The following PLXNA2 variants were observed in gnomAD, a reference collection of about 807,000 sequenced individuals.
PLXNA2 encodes the protein plexin-A2.
In PLXNA2, 91 loss-of-function variants were observed where a neutral mutation model predicts 193.5. The ratio of observed to expected loss-of-function variants is 0.47; its 90% CI spans 0.40 to 0.56. The LOEUF is 0.56. PLXNA2 is among the 20% of genes least tolerant of loss of function. The probability of loss-of-function intolerance (pLI) is 0.00; values close to 1 mark genes in which losing one functional copy is unlikely to be tolerated. For missense variants in PLXNA2, 1,995 were observed against 2,503.2 expected, an observed-to-expected ratio of 0.80 and a Z score of 4.33; for synonymous variants, 997 against 1,027.3, an observed-to-expected ratio of 0.97 and a Z score of 0.56.
At position 208,092,897 on chromosome 1, in the gene PLXNA2, G is replaced by C. The variant is rs941758698; in HGVS notation, c.1986C>G (p.Cys662Trp). 1.2e-6 allele frequency: 2 copies of C among 1,610,820 alleles called. No individual in the cohort carries two copies. Among genetic ancestry groups the C allele is most frequent in the Non-Finnish European group, 1.7e-6 (2 of 1,177,130 alleles). Residue 662 changes from cysteine to tryptophan, a missense_variant, in exon 9 of 32, where the codon TGC becomes TGG. By Grantham distance (215) the Cys-to-Trp change is radical. Coordinates refer to ENST00000367033, the MANE Select transcript of PLXNA2 (RefSeq NM_025179.4). The part of the protein sequence containing the change: ...KFYNCSAHQL[C>W]LSCVNSAFRC... Reference sequence around the variant, plus strand: ...GGAAGGCGCTGTTGACACAGGACAGGCACCTGCAAGGACAGAGATGGTGAG... The same window carrying C: ...GGAAGGCGCTGTTGACACAGGACAGCCACCTGCAAGGACAGAGATGGTGAG...
Position 208,186,708 on chromosome 1 carries a change from A to ATTTT in PLXNA2, c.1371+23568_1371+23571dup, listed in dbSNP as rs368056918. 5.4e-5 allele frequency among the ~76,000 whole-genome samples: 6 copies of ATTTT among 111,694 alleles called. 1 individual carries two copies. Among genetic ancestry groups the ATTTT allele is most frequent in the African/African-American group, 1.8e-4 (6 of 33,192 alleles). 73.3% of individuals were successfully genotyped at this position (111,694 alleles called of 152,430 possible). On this transcript the variant is annotated intron_variant, in intron 3 of 31. Transcript: ENST00000367033. ...GGGCTGTCCTGGGAATTGCAATGTT[A>ATTTT]TTTTATTTTTTTTTTTTTTTTTGAG...
At chr1:208,132,462 G>T (rs1668188132) in intron 4 of PLXNA2, among the ~76,000 whole-genome samples, 1 of 152,084 alleles carries the variant, frequency 6.6e-6, no homozygotes, top group African/African-American at 2.4e-5. Flanking sequence ...GGTGGCCCTG[G>T]GCAAATTACT....
chr1:208,157,687 T>C (rs2102508632), intron 3 of PLXNA2, among the ~76,000 whole-genome samples: 1 of 152,260 alleles, frequency 6.6e-6, no homozygotes, highest in East Asian at 1.9e-4. Context: ...AGAGTAGCTG[T>C]GTAAGGTTCC....
At chr1:208,149,222 A>G (rs1319276536) in intron 3 of PLXNA2, among the ~76,000 whole-genome samples, 3 of 150,282 alleles carry the variant, frequency 2.0e-5, no homozygotes. Context: ...GTGTATGTGT[A>G]TGATGTGTAT....
chr1:208,038,868 A>G lies in PLXNA2; in HGVS notation c.4617T>C (p.Asn1539=), dbSNP rs747602776. Residue 1539 remains asparagine (N), a synonymous_variant, in exon 25 of 32, where the codon AAT becomes AAC. Coordinates refer to ENST00000367033, the MANE Select transcript of PLXNA2 (RefSeq NM_025179.4). The surrounding 1 kb of genome is among the most constrained non-coding windows in gnomAD (Gnocchi z 4.1). ...KEKILDAVYK[N]VPYSQRPRAV... is the part of the protein sequence containing the mutation. ...CCCTCGGCCGCTGGGAATAGGGCAC[A>G]TTCTTATACACGGCATCAAGAATCT... 9.3e-6 allele frequency: 15 copies of G among 1,614,152 alleles called. No homozygotes were observed. The Admixed American group carries it at 2.2e-4, about 23-fold the overall frequency.
At chr1:208,145,877 T>C (rs907032252) in intron 3 of PLXNA2, among the ~76,000 whole-genome samples, 5 of 152,324 alleles carry the variant, frequency 3.3e-5, no homozygotes, top group African/African-American at 1.2e-4. Flanking sequence ...TTGTTGGTAC[T>C]GAACCCGAAC....
intron 22 of PLXNA2, 97 bp downstream of exon 22, chr1:208,042,001 G>T (rs1245328988): frequency 2.3e-6 from 3 of 1,297,012 alleles, no homozygotes; most frequent in Non-Finnish European, 3.2e-6. Flanking sequence ...TCTGGGGAGT[G>T]GGCCTTCTCA....
At chr1:208,040,196 C>A in intron 22 of PLXNA2, 138 bp from the exon 23 acceptor site, 1 of 666,612 alleles carries the variant, frequency 1.5e-6, no homozygotes, top group Non-Finnish European at 2.7e-6. Context: ...ACCTGGGTCC[C>A]AGCCCAGCTC....
In PLXNA2 at chr1:208,110,294, C is replaced by A. The variant is rs536422546; in HGVS notation, c.1507-7047G>T. On this transcript the variant is annotated intron_variant, in intron 4 of 31. Coordinates refer to ENST00000367033, the MANE Select transcript of PLXNA2 (RefSeq NM_025179.4). ...CTTTCTGTCCTTCAGCAGGAAAGAGCTGATGTCTACTGGATGCCTGAAGCA... is the reference window on the plus strand; with the variant it reads ...CTTTCTGTCCTTCAGCAGGAAAGAGATGATGTCTACTGGATGCCTGAAGCA... Among the ~76,000 whole-genome samples the A allele has an allele frequency of 8.5e-5, 13 of 152,374 alleles. 1 individual carries two copies. Among genetic ancestry groups the A allele is most frequent in the African/African-American group, 2.4e-4 (10 of 41,592 alleles).
chr1:208,158,210 A>C (rs1490593591), intron 3 of PLXNA2, among the ~76,000 whole-genome samples: 2 of 152,114 alleles, frequency 1.3e-5, no homozygotes, highest in Non-Finnish European at 2.9e-5. Context: ...GTGGTCTCTA[A>C]ACCTGTGTCC....
At chr1:208,218,938 C>G (rs1422486230) in intron 1 of PLXNA2, among the ~76,000 whole-genome samples, 3 of 152,228 alleles carry the variant, frequency 2.0e-5, no homozygotes, top group African/African-American at 7.2e-5. Flanking sequence ...AGTCCAGCTT[C>G]AGCCACCTGG....
At chr1:208,201,784 A>G (rs1215867359) in intron 3 of PLXNA2, among the ~76,000 whole-genome samples, 2 of 152,098 alleles carry the variant, frequency 1.3e-5, no homozygotes, top group Non-Finnish European at 2.9e-5. Context: ...GTTAAGTCAC[A>G]ATTGTAGTAA....
At chr1:208,069,531 A>G (rs76130462) in intron 12 of PLXNA2, among the ~76,000 whole-genome samples, 132 of 152,330 alleles carry the variant, frequency 8.7e-4, no homozygotes, top group Non-Finnish European at 1.6e-3. Context: ...AATTAATTAC[A>G]GCTGGGGAGA....
In PLXNA2 at chr1:208,042,196, G is replaced by A; in HGVS notation, c.4188C>T (p.Gly1396=). The change falls in exon 22 of 32, where the codon GGC becomes GGT. Residue 1396 remains glycine (G), a synonymous_variant. Transcript: ENST00000367033. ...GGACATCAGTGGCATATTCCAGGCG[G>A]CCCTGCAGGCCGGTCATGATGAGCG... ...VASLIMTGLQ[G]RLEYATDVLK... The A allele has an allele frequency of 6.2e-7, 1 of 1,614,242 alleles. No homozygotes were observed. Among genetic ancestry groups the A allele is most frequent in the Non-Finnish European group, 8.5e-7 (1 of 1,180,032 alleles).
In PLXNA2 at chr1:208,217,011, C is replaced by G; in HGVS notation, c.912G>C (p.Gly304=). The change falls in exon 2 of 32, where the codon GGG becomes GGC. Residue 304 remains glycine (G), a synonymous_variant. Transcript: ENST00000367033. The surrounding 1 kb of genome is among the most constrained non-coding windows in gnomAD (Gnocchi z 4.7). ...CAGCCTGCAGGAGGCGGTATTCCAC[C>G]CCGGCCCGGGTGCAGCCGAAGGGCA... The part of the protein sequence containing the change: ...VSLPFGCTRA[G]VEYRLLQAAY... 1 of 1,611,740 alleles carries G rather than the reference C, an allele frequency of 6.2e-7. No homozygotes were observed. Among genetic ancestry groups the G allele is most frequent in the Non-Finnish European group, 8.5e-7 (1 of 1,178,422 alleles).
intron 4 of PLXNA2, among the ~76,000 whole-genome samples, chr1:208,131,162 C>T (rs560427324): frequency 2.0e-5 from 3 of 152,198 alleles, no homozygotes; most frequent in East Asian, 3.9e-4. Context: ...GTCCCGGCCA[C>T]GCACCCCAGG....
intron 18 of PLXNA2, 28 bp downstream of exon 18, chr1:208,045,850 G>A (rs547749945): frequency 3.7e-5 from 60 of 1,611,370 alleles, no homozygotes; most frequent in South Asian, 1.5e-4. Context: ...TGCCCCTGGT[G>A]GCACTGCCCT....
At chr1:208,138,727 T>TA (rs1171518877) in intron 4 of PLXNA2, among the ~76,000 whole-genome samples, 2 of 152,058 alleles carry the variant, frequency 1.3e-5, no homozygotes, top group East Asian at 1.9e-4. Context: ...TCTATTTCCA[T>TA]AAAAAAAATT....
At chr1:208,141,262 A>T (rs537293632) in intron 4 of PLXNA2, among the ~76,000 whole-genome samples, 1 of 152,268 alleles carries the variant, frequency 6.6e-6, no homozygotes, top group South Asian at 2.1e-4. Context: ...TTCTTCGCTC[A>T]TCCCTCATCC....
Sources: gnomAD v4.1 joint callset for allele counts (sites outside exome capture counted in the v4.1 genomes callset) on GRCh38, gnomAD v4.1.1 for gene constraint, Gnocchi (gnomAD v3.1) non-coding constraint, MANE v1.5 for transcripts, NCBI Gene and HGNC (gene_info 2026-07-23, HGNC 2026-07-21) for gene names.